NTRK2: variants seen among roughly 807,000 people sequenced by gnomAD.
NTRK2 encodes BDNF/NT-3 growth factors receptor.
A neutral mutation model predicts 94.5 loss-of-function variants in NTRK2; 13 were observed. The observed-to-expected ratio is 0.14, with a 90% CI of 0.09 to 0.22. The LOEUF (loss-of-function observed/expected upper bound fraction) is 0.22, where lower values mean the gene tolerates loss of function less well. NTRK2 is among the 10% of genes least tolerant of loss of function. The probability of loss-of-function intolerance (pLI) is 1.00; values close to 1 mark genes in which losing one functional copy is unlikely to be tolerated. For missense variants in NTRK2, 639 were observed against 1,071.2 expected (o/e 0.60, Z 5.63); for synonymous variants, 372 against 407.4 (o/e 0.91, Z 1.05).
chr9:84,880,165 G>T (rs758692183), intron 14 of NTRK2, among the ~76,000 whole-genome samples: 4 of 152,134 alleles, frequency 2.6e-5, no homozygotes, highest in Non-Finnish European at 5.9e-5. Context: ...TCTTGAGTGG[G>T]TTCACTCCTC....
intron 2 of NTRK2, among the ~76,000 whole-genome samples, chr9:84,676,191 C>A (rs1280274157): frequency 6.6e-6 from 1 of 152,178 alleles, no homozygotes; most frequent in African/African-American, 2.4e-5. Context: ...CACATGTAAA[C>A]TGAGGGCTTT....
intron 17 of NTRK2, among the ~76,000 whole-genome samples, chr9:84,984,920 T>A (rs369255354): frequency 6.6e-6 from 1 of 152,338 alleles, no homozygotes; most frequent in African/African-American, 2.4e-5. Flanking sequence ...GTTACAAAAC[T>A]TTAAGCAGTA....
intron 17 of NTRK2, among the ~76,000 whole-genome samples, chr9:84,987,286 C>T (rs773731335): frequency 1.3e-5 from 2 of 152,102 alleles, no homozygotes; most frequent in African/African-American, 4.8e-5. Context: ...CTAGTGAGTA[C>T]ATTTGAATGA....
rs565364072 is a variant in NTRK2 at position 84,782,963 on chromosome 9, G to C, written c.1396+30878G>C. Among the ~76,000 whole-genome samples, 7 of 152,300 alleles carry C rather than the reference G, an allele frequency of 4.6e-5. No individual in the cohort carries two copies. The East Asian group carries it at 9.6e-4, about 21-fold the overall frequency. ...GGCTTGACTTCCCCAAATGTAAGAA[G>C]TGTAATATACAATACTTCTCACATA... On this transcript the variant is annotated intron_variant, in intron 12 of 18. Coordinates refer to ENST00000277120, the MANE Select transcript of NTRK2 (RefSeq NM_006180.6).
At chr9:84,783,480 T>C (rs949559924) in intron 12 of NTRK2, among the ~76,000 whole-genome samples, 2 of 152,206 alleles carry the variant, frequency 1.3e-5, no homozygotes, top group African/African-American at 4.8e-5. Flanking sequence ...CTTTCAGATA[T>C]GTGTCTGTAT....
rs1185149258 is a variant in NTRK2, at chr9:84,916,521, C to T, written c.1634-17641C>T. Among the ~76,000 whole-genome samples, 4 of 152,224 alleles carry T rather than the reference C, an allele frequency of 2.6e-5. No individual in the cohort carries two copies. The South Asian group carries it at 8.3e-4, about 32-fold the overall frequency. On this transcript the variant is annotated intron_variant, in intron 14 of 18. Coordinates refer to ENST00000277120, the MANE Select transcript of NTRK2 (RefSeq NM_006180.6). ...CACTACCAATCAATAGGTGGAGACA[C>T]GTAAGAAGACATCTGTTTTCCAGCT...
At chr9:84,828,511 C>G (rs762829958) in intron 12 of NTRK2, among the ~76,000 whole-genome samples, 12 of 152,152 alleles carry the variant, frequency 7.9e-5, no homozygotes, top group Non-Finnish European at 1.2e-4. Flanking sequence ...CTTTCATTCT[C>G]TCCCCCTACC....
intron 12 of NTRK2, among the ~76,000 whole-genome samples, chr9:84,793,560 C>T (rs185961924): frequency 2.6e-5 from 4 of 152,320 alleles, no homozygotes; most frequent in Admixed American, 6.5e-5. Flanking sequence ...CCCATGCATT[C>T]GCTTCCCAAG....
At chr9:84,672,792 G>A (rs2058780029) in intron 2 of NTRK2, among the ~76,000 whole-genome samples, 1 of 152,174 alleles carries the variant, frequency 6.6e-6, no homozygotes, top group African/African-American at 2.4e-5. Context: ...GCTGCCTGAT[G>A]TATATGAAAT....
intron 17 of NTRK2, among the ~76,000 whole-genome samples, chr9:85,009,461 A>G (rs1362980522): frequency 1.3e-5 from 2 of 152,208 alleles, no homozygotes; most frequent in African/African-American, 4.8e-5. Context: ...TGTGCAGAGA[A>G]AAGCAGTTGG....
At chr9:84,882,335 A>G (rs1039030597) in intron 14 of NTRK2, among the ~76,000 whole-genome samples, 1 of 152,204 alleles carries the variant, frequency 6.6e-6, no homozygotes, top group African/African-American at 2.4e-5. Context: ...TTTCCATACT[A>G]TAAAACACTG....
At chr9:84,848,624 A>C (rs1245142398) in intron 12 of NTRK2, among the ~76,000 whole-genome samples, 1 of 152,212 alleles carries the variant, frequency 6.6e-6, no homozygotes, top group African/African-American at 2.4e-5. Context: ...TGAGATCCAC[A>C]AGAAAGCCGG....
At chr9:84,914,269 T>C (rs10868237) in intron 14 of NTRK2, among the ~76,000 whole-genome samples, 18,502 of 152,228 alleles carry the variant, frequency 0.12, 1,342 homozygotes, top group East Asian at 0.22. Context: ...AGCATTTTCA[T>C]GATGACTGCT....
intron 17 of NTRK2, among the ~76,000 whole-genome samples, chr9:84,966,181 C>G (rs905946453): frequency 1.3e-5 from 2 of 152,140 alleles, no homozygotes; most frequent in Admixed American, 6.5e-5. Context: ...GTCTGAAATT[C>G]TTTTTATGCT....
chr9:84,987,126 C>A (rs185645733), intron 17 of NTRK2, among the ~76,000 whole-genome samples: 121 of 152,296 alleles, frequency 7.9e-4, no homozygotes, highest in Non-Finnish European at 4.1e-4. Context: ...TTTCACATGT[C>A]AGGGTGAAAA....
At chr9:84,916,952 T>A (rs1441769258) in intron 14 of NTRK2, among the ~76,000 whole-genome samples, 2 of 152,202 alleles carry the variant, frequency 1.3e-5, no homozygotes, top group Non-Finnish European at 2.9e-5. Context: ...TGCTAATTAG[T>A]TAGGGCTGCC....
At chr9:84,748,307 C>G (rs1356963572) in intron 11 of NTRK2, among the ~76,000 whole-genome samples, 1 of 152,238 alleles carries the variant, frequency 6.6e-6, no homozygotes, top group Admixed American at 6.5e-5. Flanking sequence ...TTGTCAAAGG[C>G]ATCCTTGTTT....
At chr9:84,926,056 G>A (rs1317347840) in intron 14 of NTRK2, among the ~76,000 whole-genome samples, 1 of 151,544 alleles carries the variant, frequency 6.6e-6, no homozygotes. Flanking sequence ...GATATTCAAA[G>A]CCCTCCATAA....
chr9:84,944,213 TCTCACA>T (rs1234846939), intron 15 of NTRK2, among the ~76,000 whole-genome samples: 33 of 136,884 alleles, frequency 2.4e-4, no homozygotes, highest in African/African-American at 7.1e-4. Flanking sequence ...TCTCTCTCTC[TCTCACA>T]CACACACACA....
Sources: allele counts gnomAD v4.1 joint callset (sites outside exome capture counted in the v4.1 genomes callset), GRCh38; gene constraint gnomAD v4.1.1; transcripts MANE v1.5; gene names NCBI Gene and HGNC (gene_info 2026-07-23, HGNC 2026-07-21).